PDS5A: variants seen among roughly 807,000 people sequenced by gnomAD.
PDS5A encodes sister chromatid cohesion protein PDS5 homolog A.
In PDS5A, 42 loss-of-function variants were observed where a neutral mutation model predicts 167.1. The ratio of observed to expected loss-of-function variants is 0.25; its 90% CI spans 0.20 to 0.33. PDS5A has a LOEUF of 0.33. PDS5A is among the 10% of genes least tolerant of loss of function. The probability of loss-of-function intolerance (pLI) is 1.00; values close to 1 mark genes in which losing one functional copy is unlikely to be tolerated. For missense variants in PDS5A, 1,033 were observed against 1,605.9 expected, an observed-to-expected ratio of 0.64 and a Z score of 6.10; for synonymous variants, 553 against 554.6, an observed-to-expected ratio of 1.00 and a Z score of 0.04.
At chr4:39,844,903 AT>A in intron 29 of PDS5A, 102 bp from the exon 30 acceptor site, 19 of 1,205,504 alleles carry the variant, frequency 1.6e-5, no homozygotes, top group Non-Finnish European at 2.1e-5. Flanking sequence ...TTAAGTGCTA[AT>A]TAGTTAAATT....
chr4:39,877,245 T>C, intron 18 of PDS5A, 92 bp from the exon 19 acceptor site: 1 of 775,156 alleles, frequency 1.3e-6, no homozygotes, highest in South Asian at 2.2e-5. Flanking sequence ...AAAAATTAAA[T>C]TCTGGGGTAA....
chr4:39,938,956 G>A (rs774809273), intron 2 of PDS5A, among the ~76,000 whole-genome samples: 6 of 151,320 alleles, frequency 4.0e-5, no homozygotes, highest in Admixed American at 2.0e-4. Flanking sequence ...GCAACACAGC[G>A]AGACTCCATC....
intron 2 of PDS5A, among the ~76,000 whole-genome samples, chr4:39,948,145 G>C (rs1468283210): frequency 2.1e-5 from 3 of 142,072 alleles, no homozygotes; most frequent in African/African-American, 5.3e-5. Context: ...TCAGCTACTT[G>C]AAAGACTGAG....
intron 2 of PDS5A, among the ~76,000 whole-genome samples, chr4:39,939,825 A>G (rs1727056684): frequency 6.6e-6 from 1 of 152,070 alleles, no homozygotes; most frequent in Non-Finnish European, 1.5e-5. Flanking sequence ...CAAACAAAAA[A>G]ACAGCTTTAT....
chr4:39,956,099 C>G (rs1408953116), intron 2 of PDS5A, among the ~76,000 whole-genome samples: 1 of 150,470 alleles, frequency 6.6e-6, no homozygotes, highest in Admixed American at 6.7e-5. Flanking sequence ...GCTTAAGAAA[C>G]AGACTGAGAC....
intron 11 of PDS5A, 47 bp from the exon 12 acceptor site, chr4:39,904,238 T>C: frequency 7.1e-7 from 1 of 1,405,260 alleles, no homozygotes; most frequent in Non-Finnish European, 9.8e-7. Context: ...CAAAACTCTG[T>C]ACTAATCTCC....
At chr4:39,926,734 T>G in intron 4 of PDS5A, 41 bp downstream of exon 4, 1 of 1,236,292 alleles carries the variant, frequency 8.1e-7, no homozygotes, top group Non-Finnish European at 1.1e-6. Flanking sequence ...TGCTATCATG[T>G]GAAATAATGT....
chr4:39,963,466 A>C (rs560967643), intron 2 of PDS5A, among the ~76,000 whole-genome samples: 20 of 152,186 alleles, frequency 1.3e-4, no homozygotes, highest in African/African-American at 4.8e-4. Flanking sequence ...TCTCAAAAAA[A>C]AAAATTAGCT....
chr4:39,958,976 T>C (rs1410001526), intron 2 of PDS5A, among the ~76,000 whole-genome samples: 1 of 152,176 alleles, frequency 6.6e-6, no homozygotes, highest in African/African-American at 2.4e-5. Flanking sequence ...CTGCCTGGAA[T>C]GTTTTACCAT....
At chr4:39,883,630 G>GT (rs759180589) in intron 17 of PDS5A, among the ~76,000 whole-genome samples, 2 of 152,010 alleles carry the variant, frequency 1.3e-5, no homozygotes, top group Non-Finnish European at 2.9e-5. Context: ...CTTTAGCCCA[G>GT]TTTTTTTGTT....
rs1243294231 is a variant in PDS5A at position 39,908,554 on chromosome 4, A to G, written c.1088-14T>C. ...CCTTTAAATATTCTGTAATAAGAGA[A>G]AAAAAACTTAGGCTAAATGTTAGCT... On this transcript the variant is annotated splice_polypyrimidine_tract_variant and intron_variant, in intron 10 of 32. Transcript: ENST00000303538. 2 of 1,398,040 alleles carry G rather than the reference A, an allele frequency of 1.4e-6. No individual in the cohort carries two copies. The highest frequency in any genetic ancestry group is 5.1e-5 in the East Asian group (2 of 39,506). 86.6% of individuals were successfully genotyped at this position (1,398,040 alleles called of 1,614,324 possible).
At chr4:39,886,392 T>A (rs1032968061) in intron 17 of PDS5A, among the ~76,000 whole-genome samples, 19 of 152,154 alleles carry the variant, frequency 1.2e-4, no homozygotes, top group African/African-American at 4.3e-4. Context: ...AATTTGTAAA[T>A]TACTTTGAGT....
chr4:39,929,519 C>CTA (rs58069502), intron 2 of PDS5A, among the ~76,000 whole-genome samples: 1,070 of 79,200 alleles, frequency 0.014, 19 homozygotes, highest in African/African-American at 0.032. Flanking sequence ...ACTTAATAAA[C>CTA]TATATATATA....
intron 12 of PDS5A, 23 bp from the exon 13 acceptor site, chr4:39,902,483 A>G: frequency 8.3e-7 from 1 of 1,210,580 alleles, no homozygotes; most frequent in Non-Finnish European, 1.2e-6. Flanking sequence ...AACAACAAAA[A>G]AAACCTAAGT....
In PDS5A at chr4:39,863,032, C is replaced by A. The variant is rs1411725251; in HGVS notation, c.2808G>T (p.Leu936=). ...GCAGTAACTTCACAAGTGCCTTATG[C>A]AGCTTCTGAGCAAATATCTGCCTTA... ...YQVRQIFAQK[L]HKALVKLLLP... is the part of the protein sequence containing the mutation. Residue 936 remains leucine (L), a synonymous_variant, in exon 25 of 33, where the codon CTG becomes CTT. Transcript: ENST00000303538. 2 of 1,613,598 alleles carry A rather than the reference C, an allele frequency of 1.2e-6. No homozygotes were observed. The highest frequency in any genetic ancestry group is 4.5e-5 in the East Asian group (2 of 44,884).
chr4:39,917,105 A>C lies in PDS5A; in HGVS notation c.819T>G (p.Phe273Leu). The C allele has an allele frequency of 6.4e-7, 1 of 1,564,280 alleles. No homozygotes were observed. Among genetic ancestry groups the C allele is most frequent in the Non-Finnish European group, 8.7e-7 (1 of 1,155,438 alleles). ...ATAATAATAAATGAGGATCTATAGCAAAAAGTTCCTGAATCAGATCAAATA... is the reference window on the plus strand; with the variant it reads ...ATAATAATAAATGAGGATCTATAGCCAAAAGTTCCTGAATCAGATCAAATA... ...EHVFDLIQEL[F>L]AIDPHLLLSV... is the part of the protein sequence containing the mutation. The change falls in exon 8 of 33, where the codon TTT becomes TTG. Residue 273 changes from phenylalanine (F) to leucine (L), a missense_variant. Coordinates refer to ENST00000303538, the MANE Select transcript of PDS5A (RefSeq NM_001100399.2).
intron 17 of PDS5A, among the ~76,000 whole-genome samples, chr4:39,888,700 A>AC (rs1553896438): frequency 6.6e-6 from 1 of 151,932 alleles, no homozygotes; most frequent in Non-Finnish European, 1.5e-5. Flanking sequence ...CAAAAAAAAA[A>AC]CAAATATTGC....
intron 19 of PDS5A, among the ~76,000 whole-genome samples, chr4:39,875,900 C>A (rs887955194): frequency 6.6e-6 from 1 of 151,856 alleles, no homozygotes; most frequent in Non-Finnish European, 1.5e-5. Flanking sequence ...TACAGAAAGT[C>A]AACTTTAACC....
At chr4:39,942,050 T>C (rs951219837) in intron 2 of PDS5A, among the ~76,000 whole-genome samples, 1 of 152,170 alleles carries the variant, frequency 6.6e-6, no homozygotes, top group African/African-American at 2.4e-5. Context: ...CTCTTTAGAT[T>C]TTAAAACCAA....
Sources: allele counts gnomAD v4.1 joint callset (sites outside exome capture counted in the v4.1 genomes callset), GRCh38; gene constraint gnomAD v4.1.1; transcripts MANE v1.5; gene names NCBI Gene and HGNC (gene_info 2026-07-23, HGNC 2026-07-21).